The following CATSPERB variants were observed in gnomAD, a reference collection of about 807,000 sequenced individuals.
CATSPERB encodes cation channel sperm-associated auxiliary subunit beta.
CATSPERB carries 93 observed loss-of-function variants against 128.3 expected under a neutral mutation model. That is an observed-to-expected ratio of 0.72 (90% CI 0.61 to 0.86). The LOEUF (loss-of-function observed/expected upper bound fraction) is 0.86. Ranked by LOEUF, CATSPERB falls within the 40% of genes least tolerant of loss-of-function variation. CATSPERB has a pLI of 0.00. For synonymous variants in CATSPERB, 381 were observed against 448.8 expected, an observed-to-expected ratio of 0.85 and a Z score of 1.91; for missense variants, 1,153 against 1,329.5, an observed-to-expected ratio of 0.87 and a Z score of 2.06.
chr14:91,597,275 A>AG (rs1229435470), intron 22 of CATSPERB, among the ~76,000 whole-genome samples: 2 of 152,334 alleles, frequency 1.3e-5, no homozygotes, highest in East Asian at 3.9e-4. Context: ...ATAGGATTAC[A>AG]GGTCATTGTA....
chr14:91,669,859 C>A lies in CATSPERB; in HGVS notation c.1242G>T (p.Met414Ile), dbSNP rs1895055005. 4 of 1,613,298 alleles carry A rather than the reference C, an allele frequency of 2.5e-6. No individual in the cohort carries two copies. In the East Asian group the frequency reaches 8.9e-5, roughly 36 times the overall value. ...FPSSFSSPVG[M>I]VFHPRSHFLY... ...AAAAGTGGCTTCGGGGATGAAATAC[C>A]ATTCCAACGGGAGAAGAGAATGATG... The change falls in exon 14 of 27, where the codon ATG becomes ATT. Residue 414 changes from methionine (M) to isoleucine (I), a missense_variant. Transcript: ENST00000256343.
intron 10 of CATSPERB, among the ~76,000 whole-genome samples, chr14:91,685,562 T>G (rs897257551): frequency 6.6e-6 from 1 of 152,176 alleles, no homozygotes; most frequent in African/African-American, 2.4e-5. Context: ...TAAAATCTTG[T>G]GAGGCTAGTC....
At chr14:91,716,641 T>G (rs543282630) in intron 5 of CATSPERB, among the ~76,000 whole-genome samples, 6 of 151,522 alleles carry the variant, frequency 4.0e-5, no homozygotes, top group Non-Finnish European at 7.4e-5. Context: ...GCCACTACAC[T>G]TTTTTTTAGA....
chr14:91,660,365 A>G (rs1894857161), intron 14 of CATSPERB, among the ~76,000 whole-genome samples: 1 of 152,214 alleles, frequency 6.6e-6, no homozygotes, highest in Non-Finnish European at 1.5e-5. Flanking sequence ...ATATTGACAT[A>G]ATACTTCATG....
intron 7 of CATSPERB, 104 bp downstream of exon 7, chr14:91,704,447 AT>A (rs1420104559): frequency 9.1e-6 from 11 of 1,213,406 alleles, no homozygotes; most frequent in East Asian, 4.9e-5. Flanking sequence ...TTAGGAAACA[AT>A]TTTCCTTCCC....
In CATSPERB at chr14:91,691,414, A is replaced by G. The variant is rs1895469923; in HGVS notation, c.864+109T>C. On this transcript the variant is annotated intron_variant, in intron 10 of 26. Transcript: ENST00000256343. ...ATATTTTGTTTAAACTATAAATAAT[A>G]TAGTAACTGGAATAACTTATATTGT... 1.7e-5 allele frequency: 10 copies of G among 597,994 alleles called. No homozygotes were observed. The Admixed American group carries it at 2.9e-4, about 18-fold the overall frequency. The allele number at this position is 597,994 out of a possible 1,614,324, so 37.0% of individuals were successfully genotyped here.
In CATSPERB at chr14:91,580,844, G is replaced by T. The variant is rs2139750493; in HGVS notation, c.*45C>A. 1 of 1,428,568 alleles carries T rather than the reference G, an allele frequency of 7.0e-7. No individual in the cohort carries two copies. Among genetic ancestry groups the T allele is most frequent in the Non-Finnish European group, 9.8e-7 (1 of 1,018,828 alleles). 88.5% of individuals were successfully genotyped at this position (1,428,568 alleles called of 1,614,324 possible). On this transcript the variant is annotated 3_prime_UTR_variant, in exon 27 of 27. Coordinates refer to ENST00000256343, the MANE Select transcript of CATSPERB (RefSeq NM_024764.4). ...TTTAAATATATTGTTCTAGGAATTG[G>T]CTGATAAAACTAGAAAATAAAGAGA...
chr14:91,635,382 ACT>A (rs565629959), intron 17 of CATSPERB: 8 of 151,264 alleles, frequency 5.3e-5, no homozygotes, highest in Admixed American at 4.6e-4. Flanking sequence ...ACAGAGTCTC[ACT>A]CTCTCACTCA....
intron 4 of CATSPERB, among the ~76,000 whole-genome samples, chr14:91,721,311 T>A (rs994941849): frequency 6.6e-6 from 1 of 152,240 alleles, no homozygotes; most frequent in East Asian, 1.9e-4. Context: ...AGAGAAAATA[T>A]TTGCAAATCA....
chr14:91,610,899 A>C (rs1391901506), intron 20 of CATSPERB, among the ~76,000 whole-genome samples: 2 of 151,506 alleles, frequency 1.3e-5, no homozygotes, highest in African/African-American at 4.8e-5. Flanking sequence ...GGAGATTAGG[A>C]TATAGACAAC....
chr14:91,624,856 C>T lies in CATSPERB; in HGVS notation c.1894G>A (p.Ala632Thr), dbSNP rs1894126892. 3.1e-6 allele frequency: 5 copies of T among 1,609,086 alleles called. No individual in the cohort carries two copies. In the South Asian group the frequency reaches 5.6e-5, roughly 18 times the overall value. ...CLSSSLLINKAGNVYKLTLDS... is the reference protein window; with the variant it reads ...CLSSSLLINKTGNVYKLTLDS... ...AGAGTGAGTTTATAGACATTTCCAG[C>T]TTTATTAATCAAAAGGGAACTAGAC... Residue 632 changes from alanine (A) to threonine (T), a missense_variant, in exon 18 of 27, where the codon GCT (alanine) becomes ACT (threonine). By Grantham distance (58) the Ala-to-Thr change is moderately conservative. Coordinates refer to ENST00000256343, the MANE Select transcript of CATSPERB (RefSeq NM_024764.4).
chr14:91,646,555 C>G (rs561811736), intron 15 of CATSPERB, among the ~76,000 whole-genome samples: 1 of 152,232 alleles, frequency 6.6e-6, no homozygotes, highest in African/African-American at 2.4e-5. Flanking sequence ...TTGCAATGCC[C>G]TCCAAGGGCC....
chr14:91,618,501 A>G (rs1204839135), intron 19 of CATSPERB, among the ~76,000 whole-genome samples: 1 of 152,186 alleles, frequency 6.6e-6, no homozygotes, highest in African/African-American at 2.4e-5. Flanking sequence ...CTCATTCCTC[A>G]GCCTGCTTCT....
chr14:91,629,284 G>A lies in CATSPERB; in HGVS notation c.1743-4277C>T, dbSNP rs192551733. Among the ~76,000 whole-genome samples, 87 of 152,256 alleles carry A rather than the reference G, an allele frequency of 5.7e-4. 2 individuals are homozygous for A. The highest frequency in any genetic ancestry group is 4.6e-3 in the Admixed American group (70 of 15,284). Reference sequence around the variant, plus strand: ...AGAAGCCTCTGAAAAGGCTATATACGGTATGATTCAAACTATATGACATTC... The same window carrying A: ...AGAAGCCTCTGAAAAGGCTATATACAGTATGATTCAAACTATATGACATTC... On this transcript the variant is annotated intron_variant, in intron 17 of 26. Coordinates refer to ENST00000256343, the MANE Select transcript of CATSPERB (RefSeq NM_024764.4).
chr14:91,592,991 G>T (rs545636278), intron 22 of CATSPERB, among the ~76,000 whole-genome samples: 207 of 152,326 alleles, frequency 1.4e-3, no homozygotes, highest in African/African-American at 4.8e-3. Flanking sequence ...GGCTGAAAGG[G>T]GCCAACGCAC....
intron 20 of CATSPERB, among the ~76,000 whole-genome samples, chr14:91,615,451 C>T (rs1393205978): frequency 6.6e-6 from 1 of 152,174 alleles, no homozygotes; most frequent in African/African-American, 2.4e-5. Flanking sequence ...ACCCCTTGAC[C>T]ATCCTTCTTA....
chr14:91,684,605 CTTTTT>C (rs1160778932), intron 10 of CATSPERB, among the ~76,000 whole-genome samples: 3 of 112,344 alleles, frequency 2.7e-5, no homozygotes, highest in Admixed American at 1.9e-4. Context: ...GGAGACACTT[CTTTTT>C]TTTTTTTTTT....
chr14:91,715,941 A>C (rs1315678432), intron 5 of CATSPERB, among the ~76,000 whole-genome samples: 1 of 152,244 alleles, frequency 6.6e-6, no homozygotes, highest in Non-Finnish European at 1.5e-5. Flanking sequence ...AAAATAAATC[A>C]TAGACCTAAA....
chr14:91,719,523 TA>T, intron 4 of CATSPERB, 45 bp from the exon 5 acceptor site: 1 of 1,378,348 alleles, frequency 7.3e-7, no homozygotes, highest in Non-Finnish European at 1.0e-6. Flanking sequence ...ACAACATGAA[TA>T]ACAACACATC....
Sources: allele counts gnomAD v4.1 joint callset (sites outside exome capture counted in the v4.1 genomes callset), GRCh38; gene constraint gnomAD v4.1.1; transcripts MANE v1.5; gene names NCBI Gene and HGNC (gene_info 2026-07-23, HGNC 2026-07-21).